Variants in ABCG2 observed in about 807,000 individuals in gnomAD.
ABCG2 encodes the protein broad substrate specificity ATP-binding cassette transporter ABCG2.
A neutral mutation model predicts 73.5 loss-of-function variants in ABCG2; 80 were observed. The ratio of observed to expected loss-of-function variants is 1.09; its 90% confidence interval spans 0.91 to 1.31. ABCG2 has a LOEUF of 1.31. ABCG2 is among the 50% of genes most tolerant of loss of function. The pLI is 0.00. For synonymous variants in ABCG2, 269 were observed against 282.4 expected (o/e 0.95, Z 0.48); for missense variants, 796 against 786.2 (o/e 1.01, Z -0.15).
intron 1 of ABCG2, among the ~76,000 whole-genome samples, chr4:88,154,449 G>T (rs1560721392): frequency 6.6e-6 from 1 of 152,200 alleles, no homozygotes; most frequent in African/African-American, 2.4e-5. Flanking sequence ...TTGACTTCAG[G>T]CAATGAGTTC....
At chr4:88,147,919 A>G (rs541808628) in intron 1 of ABCG2, among the ~76,000 whole-genome samples, 1 of 152,348 alleles carries the variant, frequency 6.6e-6, no homozygotes, top group South Asian at 2.1e-4. Flanking sequence ...AAAAACTACA[A>G]TTATCCTGTT....
intron 1 of ABCG2, among the ~76,000 whole-genome samples, chr4:88,211,733 C>T (rs954231546): frequency 1.3e-5 from 2 of 152,042 alleles, no homozygotes; most frequent in Non-Finnish European, 2.9e-5. Flanking sequence ...TCTTTACTTT[C>T]AAATGACCAA....
chr4:88,225,844 G>T (rs556890854), intron 1 of ABCG2, among the ~76,000 whole-genome samples: 1 of 152,294 alleles, frequency 6.6e-6, no homozygotes, highest in South Asian at 2.1e-4. Context: ...CTTTCACAAT[G>T]ATGGTGGAGG....
intron 12 of ABCG2, 46 bp from the exon 13 acceptor site, chr4:88,097,653 C>T: frequency 3.1e-6 from 5 of 1,594,152 alleles, no homozygotes; most frequent in Non-Finnish European, 4.3e-6. Flanking sequence ...GCCTAGGTCA[C>T]CGTATGTTTG....
chr4:88,169,045 T>TA (rs1727651529), intron 1 of ABCG2, among the ~76,000 whole-genome samples: 2 of 94,402 alleles, frequency 2.1e-5, no homozygotes, highest in South Asian at 4.1e-4. Context: ...GAAGTAGTTA[T>TA]CTTTTTTTTT....
intron 7 of ABCG2, among the ~76,000 whole-genome samples, chr4:88,116,360 C>T (rs1397680678): frequency 3.9e-5 from 6 of 152,074 alleles, no homozygotes; most frequent in Admixed American, 1.3e-4. Flanking sequence ...CTGAACTCAG[C>T]GTGGCCTGAA....
At chr4:88,139,156 A>AG (rs1725449073) in intron 2 of ABCG2, among the ~76,000 whole-genome samples, 1 of 151,714 alleles carries the variant, frequency 6.6e-6, no homozygotes. Context: ...AAAAAAAAAA[A>AG]GTGTGAAGCC....
chr4:88,139,486 T>G (rs1008092212), intron 2 of ABCG2, among the ~76,000 whole-genome samples: 5 of 152,094 alleles, frequency 3.3e-5, no homozygotes, highest in African/African-American at 1.2e-4. Flanking sequence ...ATCTCTTGAC[T>G]TCATGATCTG....
At chr4:88,118,044 C>A in intron 7 of ABCG2, 65 bp downstream of exon 7, 1 of 1,503,668 alleles carries the variant, frequency 6.7e-7, no homozygotes, top group Non-Finnish European at 9.0e-7. Flanking sequence ...TCCTGCAGAC[C>A]CCCTTTGCTC....
intron 1 of ABCG2, among the ~76,000 whole-genome samples, chr4:88,178,941 C>T (rs1328789960): frequency 6.6e-6 from 1 of 152,184 alleles, no homozygotes; most frequent in Non-Finnish European, 1.5e-5. Flanking sequence ...CAGATGACAT[C>T]TGTGGACCTG....
chr4:88,213,616 A>ATG (rs1394393436), intron 1 of ABCG2, among the ~76,000 whole-genome samples: 15 of 151,992 alleles, frequency 9.9e-5, no homozygotes, highest in Non-Finnish European at 2.9e-5. Flanking sequence ...ATGTATATAT[A>ATG]TGTGTGTGAA....
At chr4:88,101,458 G>C in intron 10 of ABCG2, 139 bp from the exon 11 acceptor site, 1 of 739,114 alleles carries the variant, frequency 1.4e-6, no homozygotes, top group Admixed American at 2.2e-5. Context: ...GGTTGGAACA[G>C]GGAAGCGTGA....
At chr4:88,168,555 G>T (rs769309631) in intron 1 of ABCG2, among the ~76,000 whole-genome samples, 1 of 150,434 alleles carries the variant, frequency 6.6e-6, no homozygotes, top group Non-Finnish European at 1.5e-5. Flanking sequence ...AAATTAGACT[G>T]CAGTGAAAAA....
intron 9 of ABCG2, among the ~76,000 whole-genome samples, chr4:88,110,237 C>CT (rs1052621998): frequency 9.9e-5 from 15 of 151,208 alleles, no homozygotes; most frequent in South Asian, 6.3e-4. Context: ...TGAAAGTTAC[C>CT]TTTTTTTTTA....
At chr4:88,135,343 T>C (rs1187289973) in intron 2 of ABCG2, among the ~76,000 whole-genome samples, 1 of 152,182 alleles carries the variant, frequency 6.6e-6, no homozygotes, top group African/African-American at 2.4e-5. Flanking sequence ...CTCCTGCCCA[T>C]GACATACAGC....
chr4:88,227,634 G>A (rs544978970), intron 1 of ABCG2, among the ~76,000 whole-genome samples: 6 of 152,236 alleles, frequency 3.9e-5, no homozygotes, highest in South Asian at 2.1e-4. Flanking sequence ...AAGGATTTGC[G>A]TTTTAGCAAG....
chr4:88,193,610 T>G (rs937309713), intron 1 of ABCG2, among the ~76,000 whole-genome samples: 1 of 152,202 alleles, frequency 6.6e-6, no homozygotes, highest in African/African-American at 2.4e-5. Context: ...TACAATGATA[T>G]CAAGCTCAAC....
chr4:88,210,629 G>A (rs956965128), intron 1 of ABCG2, among the ~76,000 whole-genome samples: 2 of 146,600 alleles, frequency 1.4e-5, no homozygotes, highest in South Asian at 2.2e-4. Context: ...ATCTTGCTCT[G>A]TTGCCCAGGC....
At chr4:88,130,962 C>T in intron 5 of ABCG2, 99 bp downstream of exon 5, 1 of 1,347,842 alleles carries the variant, frequency 7.4e-7, no homozygotes, top group Non-Finnish European at 1.0e-6. Flanking sequence ...CATTTTTGAC[C>T]ATACACATTA....
Sources: gnomAD v4.1 joint callset for allele counts (sites outside exome capture counted in the v4.1 genomes callset) on GRCh38, gnomAD v4.1.1 for gene constraint, MANE v1.5 for transcripts, NCBI Gene and HGNC (gene_info 2026-07-23, HGNC 2026-07-21) for gene names.